The following PLXNB1 variants were observed in gnomAD, a reference collection of about 807,000 sequenced individuals.
The protein encoded by PLXNB1 is plexin-B1.
Under a neutral mutation model 209.4 loss-of-function variants are expected in PLXNB1, and 106 were observed. The ratio of observed to expected loss-of-function variants is 0.51; its 90% CI spans 0.43 to 0.59. The LOEUF is 0.59. PLXNB1 is among the 20% of genes least tolerant of loss of function. The pLI, the probability that PLXNB1 is intolerant of heterozygous loss-of-function variation, is 0.00. For missense variants in PLXNB1, 2,357 were observed against 2,853.2 expected, an observed-to-expected ratio of 0.83 and a Z score of 3.96; for synonymous variants, 1,167 against 1,183.2, an observed-to-expected ratio of 0.99 and a Z score of 0.28.
chr3:48,411,756 C>T lies in PLXNB1; in HGVS notation c.5247+107G>A, dbSNP rs1019125110. 2 of 1,311,648 alleles carry T rather than the reference C, an allele frequency of 1.5e-6. No individual in the cohort carries two copies. The highest frequency in any genetic ancestry group is 2.1e-6 in the Non-Finnish European group (2 of 936,122). The allele number at this position is 1,311,648 out of a possible 1,614,324, so 81.3% of individuals were successfully genotyped here. A position where few individuals can be genotyped will look rare whatever the true frequency, so the allele number is the denominator to read the frequency against. ...GCCAGAGGTCAACCCAGCTCTACAT[C>T]CAGGTACCACATCAGAAGCTGGTGT... On this transcript the variant is annotated intron_variant, in intron 28 of 37. Coordinates refer to ENST00000296440, the MANE Select transcript of PLXNB1 (RefSeq NM_001130082.3). The surrounding 1 kb of genome is among the most constrained non-coding windows in gnomAD (Gnocchi z 4.0).
At position 48,418,007 on chromosome 3, in the gene PLXNB1, G is replaced by A; in HGVS notation, c.3278C>T (p.Ser1093Phe). Residue 1093 changes from serine to phenylalanine, a missense_variant, in exon 16 of 38, where the codon TCC becomes TTC. Physicochemically the swap from Ser to Phe is radical, Grantham distance 155. Around this residue, in one of 7 missense-constraint regions of PLXNB1, gnomAD observed 743 missense variants for 896.2 expected, o/e 0.83. Coordinates refer to ENST00000296440, the MANE Select transcript of PLXNB1 (RefSeq NM_001130082.3). The surrounding 1 kb of genome is among the most constrained non-coding windows in gnomAD (Gnocchi z 6.6). ...DGGTRVTIRGSNLGQHVQDVL... is the reference protein window; with the variant it reads ...DGGTRVTIRGFNLGQHVQDVL... ...ATCCTGCACATGCTGGCCCAGGTTG[G>A]AGCCCCTGATGGTGACACGGGTGCC... The A allele has an allele frequency of 1.9e-6, 3 of 1,613,478 alleles. No individual in the cohort carries two copies. Among genetic ancestry groups the A allele is most frequent in the African/African-American group, 2.7e-5 (2 of 75,036 alleles).
At position 48,424,114 on chromosome 3, in the gene PLXNB1, C is replaced by G. The variant is rs1198650510; in HGVS notation, c.498G>C (p.Leu166=). 15 of 1,555,856 alleles carry G rather than the reference C, an allele frequency of 9.6e-6. No individual in the cohort carries two copies. In the East Asian group the frequency reaches 2.6e-4, roughly 27 times the overall value. ...VAQGLAGEPL[L]FVGRGYTSRG... Reference sequence around the variant, plus strand: ...TGCTGGTGTATCCTCGCCCCACAAACAGGAGGGGCTCCCCTGCCAAGCCCT... The same window carrying G: ...TGCTGGTGTATCCTCGCCCCACAAAGAGGAGGGGCTCCCCTGCCAAGCCCT... Residue 166 remains leucine (L), a synonymous_variant, in exon 3 of 38, where the codon CTG becomes CTC. Coordinates refer to ENST00000296440, the MANE Select transcript of PLXNB1 (RefSeq NM_001130082.3).
At chr3:48,427,733 A>G (rs2038967982) in intron 1 of PLXNB1, among the ~76,000 whole-genome samples, 3 of 151,306 alleles carry the variant, frequency 2.0e-5, no homozygotes, top group Admixed American at 6.6e-5. Flanking sequence ...TGGAATGCCC[A>G]CTCCCTCGCT....
intron 10 of PLXNB1, 121 bp from the exon 11 acceptor site, chr3:48,420,378 A>G (rs1218535276): frequency 1.5e-5 from 10 of 670,098 alleles, no homozygotes; most frequent in Non-Finnish European, 2.5e-5. Context: ...AAATAAAAAC[A>G]GCCCATTAAT....
Position 48,416,348 on chromosome 3 carries a change from G to A in PLXNB1, c.3478C>T (p.Gln1160Ter). ...GGGGTGGCTCAGCAGTCAGGTACCTGGTAGGCAAAGTCGTGTTCTGAGACA... is the reference window on the plus strand; with the variant it reads ...GGGGTGGCTCAGCAGTCAGGTACCTAGTAGGCAAAGTCGTGTTCTGAGACA... ...RGVSEHDFAY[Q>*]DPKVHSIFPA... The change falls in exon 17 of 38, where the codon CAG (glutamine) becomes TAG (stop). Residue 1160 changes from glutamine (Q) to a stop codon, truncating the protein, a stop_gained and splice_region_variant. Transcript: ENST00000296440. LOFTEE classifies it high-confidence loss of function. The surrounding 1 kb of genome is among the most constrained non-coding windows in gnomAD (Gnocchi z 4.1). 6.2e-7 allele frequency: 1 copy of A among 1,609,900 alleles called. No homozygotes were observed. Among genetic ancestry groups the A allele is most frequent in the Non-Finnish European group, 8.5e-7 (1 of 1,177,520 alleles).
At chr3:48,420,801 G>A (rs569618933) in intron 9 of PLXNB1, 28 bp from the exon 10 acceptor site, 7 of 1,612,258 alleles carry the variant, frequency 4.3e-6, no homozygotes, top group Non-Finnish European at 5.9e-6. Context: ...ATGGGGCAAG[G>A]GTCGCCACAG....
At position 48,411,798 on chromosome 3, in the gene PLXNB1, C is replaced by A; in HGVS notation, c.5247+65G>T. 1 of 1,567,076 alleles carries A rather than the reference C, an allele frequency of 6.4e-7. No homozygotes were observed. Among genetic ancestry groups the A allele is most frequent in the Non-Finnish European group, 8.7e-7 (1 of 1,149,968 alleles). ...AGCTGGTGTCCAGACCCCACACACCCACACACTCTCCACCCTCGCCCTCAC... is the reference window on the plus strand; with the variant it reads ...AGCTGGTGTCCAGACCCCACACACCAACACACTCTCCACCCTCGCCCTCAC... On this transcript the variant is annotated intron_variant, in intron 28 of 37. Transcript: ENST00000296440. The surrounding 1 kb of genome is among the most constrained non-coding windows in gnomAD (Gnocchi z 4.0).
chr3:48,413,619 C>T lies in PLXNB1; in HGVS notation c.4535+51G>A. ...TGGCCCGGTCTGTCCCTTCCCAGTC[C>T]AGCCAGATCCCACGACCTGCCCCAG... is the stretch of plus-strand genomic sequence containing the variant. On this transcript the variant is annotated intron_variant, in intron 23 of 37. Coordinates refer to ENST00000296440, the MANE Select transcript of PLXNB1 (RefSeq NM_001130082.3). This position sits in a 1 kb window ranked among gnomAD's most constrained non-coding sequence, Gnocchi z 5.4. The T allele has an allele frequency of 6.5e-7, 1 of 1,547,364 alleles. No homozygotes were observed.
Position 48,413,247 on chromosome 3 carries a change from A to G in PLXNB1, c.4536-78T>C. On this transcript the variant is annotated intron_variant, in intron 23 of 37. Coordinates refer to ENST00000296440, the MANE Select transcript of PLXNB1 (RefSeq NM_001130082.3). The surrounding 1 kb of genome is among the most constrained non-coding windows in gnomAD (Gnocchi z 5.4). The stretch of plus-strand genomic sequence containing the variant: ...GGCCTGCCTGACAATCCCCAGGCAC[A>G]CCCCGGCCTCATCCAGCACAGTCCA... 3.5e-6 allele frequency: 4 copies of G among 1,131,802 alleles called. No individual in the cohort carries two copies. Among genetic ancestry groups the G allele is most frequent in the Non-Finnish European group, 5.3e-6 (4 of 756,434 alleles). The allele number at this position is 1,131,802 out of a possible 1,614,324, so 70.1% of individuals were successfully genotyped here. A position where few individuals can be genotyped will look rare whatever the true frequency, so the allele number is the denominator to read the frequency against.
rs1655010243 is a variant in PLXNB1 at position 48,415,963 on chromosome 3, G to C, written c.3617+68C>G. 6.6e-7 allele frequency: 1 copy of C among 1,525,250 alleles called. No homozygotes were observed. The highest frequency in any genetic ancestry group is 1.4e-5 in the African/African-American group (1 of 73,046). The allele number at this position is 1,525,250 out of a possible 1,614,324, so 94.5% of individuals were successfully genotyped here. A position where few individuals can be genotyped will look rare whatever the true frequency, so the allele number is the denominator to read the frequency against. On this transcript the variant is annotated intron_variant, in intron 18 of 37. Coordinates refer to ENST00000296440, the MANE Select transcript of PLXNB1 (RefSeq NM_001130082.3). This position sits in a 1 kb window ranked among gnomAD's most constrained non-coding sequence, Gnocchi z 5.0. ...CTCTTCCCCTTTCTGCTCTCCCCAG[G>C]ATCTCAGACCCCTCCATCTTTCCCC...
chr3:48,410,949 G>A lies in PLXNB1; in HGVS notation c.5335C>T (p.Gln1779Ter). ...TGGTCCAGCATCTTCTCCTTTGCCT[G>A]GGAGATGGTGTCACAGTCTAGGACC... is the stretch of plus-strand genomic sequence containing the variant. ...VKVLDCDTIS[Q>*]AKEKMLDQLY... Residue 1779 changes from glutamine (Q) to a stop codon, truncating the protein, a stop_gained, in exon 29 of 38, where the codon CAG becomes TAG. Coordinates refer to ENST00000296440, the MANE Select transcript of PLXNB1 (RefSeq NM_001130082.3). LOFTEE classifies it high-confidence loss of function. This position sits in a 1 kb window ranked among gnomAD's most constrained non-coding sequence, Gnocchi z 6.4. The A allele has an allele frequency of 6.2e-7, 1 of 1,613,882 alleles. No homozygotes were observed. The highest frequency in any genetic ancestry group is 8.5e-7 in the Non-Finnish European group (1 of 1,179,892).
In PLXNB1 at chr3:48,422,606, A is replaced by C; in HGVS notation, c.1291-147T>G. On this transcript the variant is annotated intron_variant, in intron 4 of 37. Transcript: ENST00000296440. ...ATACCAACTGGCCTAGCGGGGATGG[A>C]GGAAAGTCACAGGTAAACACCACCC... 4.8e-6 allele frequency: 6 copies of C among 1,261,518 alleles called. No individual in the cohort carries two copies. In the South Asian group the frequency reaches 9.2e-5, roughly 19 times the overall value. The allele number at this position is 1,261,518 out of a possible 1,614,324, so 78.1% of individuals were successfully genotyped here. A position where few individuals can be genotyped will look rare whatever the true frequency, so the allele number is the denominator to read the frequency against.
In PLXNB1 at chr3:48,415,846, G is replaced by A. The variant is rs966382882; in HGVS notation, c.3618-87C>T. The A allele has an allele frequency of 5.7e-5, 79 of 1,391,478 alleles. 1 individual carries two copies. The South Asian group carries it at 1.0e-3, about 18-fold the overall frequency. 86.2% of individuals were successfully genotyped at this position (1,391,478 alleles called of 1,614,324 possible). ...CCCCAACTGGCTTCCCTCAAGCGCTGACTGCAGTCTCCACCAGGTGTCCCT... is the reference window on the plus strand; with the variant it reads ...CCCCAACTGGCTTCCCTCAAGCGCTAACTGCAGTCTCCACCAGGTGTCCCT... On this transcript the variant is annotated intron_variant, in intron 18 of 37. Coordinates refer to ENST00000296440, the MANE Select transcript of PLXNB1 (RefSeq NM_001130082.3). This position sits in a 1 kb window ranked among gnomAD's most constrained non-coding sequence, Gnocchi z 5.0.
chr3:48,421,174 C>T, intron 8 of PLXNB1, 54 bp downstream of exon 8: 1 of 1,577,266 alleles, frequency 6.3e-7, no homozygotes, highest in African/African-American at 1.4e-5. Context: ...AACCCCACCG[C>T]ATCCCCTGAA....
Position 48,416,437 on chromosome 3 carries a change from G to A in PLXNB1, c.3389C>T (p.Thr1130Ile), listed in dbSNP as rs767805799. 4 of 1,612,588 alleles carry A rather than the reference G, an allele frequency of 2.5e-6. No individual in the cohort carries two copies. The highest frequency in any genetic ancestry group is 3.4e-6 in the Non-Finnish European group (4 of 1,179,526). ...YEVSSSLVCI[T>I]GASGEEVAGA... is the part of the protein sequence containing the mutation. ...GGCCACCTCCTCCCCACTGGCCCCGGTGATGCACACGAGGCTGTAGGCACA... is the reference window on the plus strand; with the variant it reads ...GGCCACCTCCTCCCCACTGGCCCCGATGATGCACACGAGGCTGTAGGCACA... The change falls in exon 17 of 38, where the codon ACC becomes ATC. Residue 1130 changes from threonine (T) to isoleucine (I), a missense_variant. By Grantham distance (89) the Thr-to-Ile change is moderately conservative. Coordinates refer to ENST00000296440, the MANE Select transcript of PLXNB1 (RefSeq NM_001130082.3). The surrounding 1 kb of genome is among the most constrained non-coding windows in gnomAD (Gnocchi z 4.1).
chr3:48,416,209 A>G lies in PLXNB1; in HGVS notation c.3481-42T>C, dbSNP rs1471891464. ...GAGAGAGATGAGCATCAGACCAGAC[A>G]CATGGAGGCAGGGACAGCCTGAGAG... is the stretch of plus-strand genomic sequence containing the variant. On this transcript the variant is annotated intron_variant, in intron 17 of 37. Transcript: ENST00000296440. The surrounding 1 kb of genome is among the most constrained non-coding windows in gnomAD (Gnocchi z 4.1). 1.3e-6 allele frequency: 2 copies of G among 1,583,592 alleles called. No homozygotes were observed. Among genetic ancestry groups the G allele is most frequent in the Non-Finnish European group, 1.7e-6 (2 of 1,162,332 alleles).
At chr3:48,421,033 T>G in intron 8 of PLXNB1, 77 bp from the exon 9 acceptor site, 1 of 1,371,562 alleles carries the variant, frequency 7.3e-7, no homozygotes, top group Non-Finnish European at 1.0e-6. Context: ...CCTGAGCCCT[T>G]GAATGGGGAA....
rs575495659 is a variant in PLXNB1 at position 48,418,603 on chromosome 3, G to T, written c.2956-61C>A. 4.2e-6 allele frequency: 6 copies of T among 1,418,102 alleles called. No individual in the cohort carries two copies. In the East Asian group the frequency reaches 9.9e-5, roughly 23 times the overall value. 87.8% of individuals were successfully genotyped at this position (1,418,102 alleles called of 1,614,324 possible). ...GGGGGAAGTGTCAGGCCTGGGGAGG[G>T]GTTAGTCAGAGAAAGGACTAAAACG... On this transcript the variant is annotated intron_variant, in intron 13 of 37. Coordinates refer to ENST00000296440, the MANE Select transcript of PLXNB1 (RefSeq NM_001130082.3). This position sits in a 1 kb window ranked among gnomAD's most constrained non-coding sequence, Gnocchi z 6.6.
Position 48,429,605 on chromosome 3 carries a change from T to C in PLXNB1, c.-60+403A>G, listed in dbSNP as rs906303333. 6.6e-6 allele frequency: 1 copy of C among 151,208 alleles called. No individual in the cohort carries two copies. Among genetic ancestry groups the C allele is most frequent in the African/African-American group, 2.4e-5 (1 of 41,190 alleles). 9.4% of individuals were successfully genotyped at this position (151,208 alleles called of 1,614,324 possible). A position where few individuals can be genotyped will look rare whatever the true frequency, so the allele number is the denominator to read the frequency against. ...GCATTCCAGCCCCGCGGGCTCCGCATCGGCCGAGGGCTGGGGACCCGACCC... is the reference window on the plus strand; with the variant it reads ...GCATTCCAGCCCCGCGGGCTCCGCACCGGCCGAGGGCTGGGGACCCGACCC... On this transcript the variant is annotated intron_variant, in intron 1 of 37. Transcript: ENST00000296440. This position sits in a 1 kb window ranked among gnomAD's most constrained non-coding sequence, Gnocchi z 6.4.
Sources: allele counts gnomAD v4.1 joint callset (sites outside exome capture counted in the v4.1 genomes callset), GRCh38; gene constraint gnomAD v4.1.1; regional missense constraint gnomAD v4.1.1; non-coding constraint Gnocchi (gnomAD v3.1); transcripts MANE v1.5; gene names NCBI Gene and HGNC (gene_info 2026-07-23, HGNC 2026-07-21).